RBFOX1: variants seen among roughly 807,000 people sequenced by gnomAD.
The protein encoded by RBFOX1 is RNA binding fox-1 homolog 1, also known as RNA binding protein fox-1 homolog 1.
A neutral mutation model predicts 57.7 loss-of-function variants in RBFOX1; 8 were observed. The observed-to-expected ratio is 0.14, with a 90% CI of 0.08 to 0.25. The LOEUF is 0.25. Among genes scored for constraint, RBFOX1 ranks in the 10% least tolerant of loss-of-function variants. RBFOX1 has a pLI of 1.00. For missense variants in RBFOX1, 611 were observed against 548.5 expected, an observed-to-expected ratio of 1.11 and a Z score of -1.14; for synonymous variants, 326 against 222.4, an observed-to-expected ratio of 1.47 and a Z score of -4.15.
chr16:5,307,348 T>G (rs1397246593), intron 1 of RBFOX1, among the ~76,000 whole-genome samples: 1 of 152,220 alleles, frequency 6.6e-6, no homozygotes, highest in East Asian at 1.9e-4. Context: ...CAGTATTTTC[T>G]GGACTACTGA....
chr16:7,385,761 T>C (rs963511144), intron 4 of RBFOX1, among the ~76,000 whole-genome samples: 13 of 152,066 alleles, frequency 8.5e-5, no homozygotes, highest in Admixed American at 8.5e-4. Context: ...TTAAGGTTTT[T>C]GGTTTTTTTC....
chr16:5,298,451 C>G (rs1436666494), intron 1 of RBFOX1, among the ~76,000 whole-genome samples: 1 of 96,464 alleles, frequency 1.0e-5, no homozygotes, highest in Non-Finnish European at 2.0e-5. Context: ...CCTCCCCTCC[C>G]CTCCTTTCCC....
intron 1 of RBFOX1, among the ~76,000 whole-genome samples, chr16:6,277,458 CAAAAA>C (rs59733415): frequency 4.9e-5 from 4 of 80,816 alleles, no homozygotes; most frequent in African/African-American, 1.4e-4. Flanking sequence ...GTCTGTCTCC[CAAAAA>C]AAAAAAAAAA....
At chr16:6,482,768 C>G (rs577988701) in intron 2 of RBFOX1, among the ~76,000 whole-genome samples, 1 of 152,110 alleles carries the variant, frequency 6.6e-6, no homozygotes, top group Non-Finnish European at 1.5e-5. Flanking sequence ...GGGCGCGGTG[C>G]TGGGGTCTTC....
intron 2 of RBFOX1, among the ~76,000 whole-genome samples, chr16:6,376,194 C>A (rs545029293): frequency 6.6e-6 from 1 of 152,246 alleles, no homozygotes; most frequent in African/African-American, 2.4e-5. Flanking sequence ...CCCTAGACTC[C>A]AGGATCCTTG....
chr16:6,685,324 G>T (rs150211921), intron 3 of RBFOX1, among the ~76,000 whole-genome samples: 1 of 136,326 alleles, frequency 7.3e-6, no homozygotes, highest in Non-Finnish European at 1.5e-5. Flanking sequence ...TGCCCAGGCC[G>T]GAGTGCAGTG....
intron 4 of RBFOX1, among the ~76,000 whole-genome samples, chr16:7,219,248 A>G (rs2092529003): frequency 6.6e-6 from 1 of 152,226 alleles, no homozygotes; most frequent in Non-Finnish European, 1.5e-5. Flanking sequence ...CACAGGGAAA[A>G]GTAAAATGGG....
In RBFOX1 at chr16:5,333,483, A is replaced by C. The variant is rs542960847; in HGVS notation, c.219+93378A>C. ...TTACAGATCCCCCGATTATATACAC[A>C]ATGAAAAAGCTGCTCCTCACACAGT... On this transcript the variant is annotated intron_variant, in intron 1 of 2. Coordinates refer to the RBFOX1 transcript ENST00000585867. Among the ~76,000 whole-genome samples the C allele has an allele frequency of 2.0e-5, 3 of 152,256 alleles. No homozygotes were observed. In the East Asian group the frequency reaches 5.8e-4, roughly 29 times the overall value.
intron 2 of RBFOX1, among the ~76,000 whole-genome samples, chr16:6,367,768 G>T (rs2089869887): frequency 6.9e-6 from 1 of 145,940 alleles, no homozygotes; most frequent in Non-Finnish European, 1.5e-5. Context: ...AAAAAATAGG[G>T]AAAATGATGC....
chr16:7,357,585 C>G (rs958366060), intron 4 of RBFOX1, among the ~76,000 whole-genome samples: 4 of 152,122 alleles, frequency 2.6e-5, no homozygotes, highest in African/African-American at 4.8e-5. Context: ...ATTTTGAGCC[C>G]TATATGTGCA....
intron 4 of RBFOX1, among the ~76,000 whole-genome samples, chr16:7,213,372 G>C (rs1323743341): frequency 6.6e-6 from 1 of 152,164 alleles, no homozygotes; most frequent in African/African-American, 2.4e-5. Flanking sequence ...TCAGTGATCA[G>C]TATTTCTTTA....
At chr16:6,370,202 C>G (rs1373200261) in intron 2 of RBFOX1, among the ~76,000 whole-genome samples, 2 of 151,302 alleles carry the variant, frequency 1.3e-5, no homozygotes, top group Non-Finnish European at 2.9e-5. Flanking sequence ...ACTAAAAATA[C>G]AAAAAATTAG....
At chr16:7,177,668 A>G (rs1429700035) in intron 4 of RBFOX1, among the ~76,000 whole-genome samples, 5 of 152,156 alleles carry the variant, frequency 3.3e-5, no homozygotes. Context: ...GAGGTAGGGC[A>G]CTTCCACAAA....
intron 4 of RBFOX1, among the ~76,000 whole-genome samples, chr16:7,201,663 C>A (rs2088530224): frequency 6.6e-6 from 1 of 152,148 alleles, no homozygotes; most frequent in Non-Finnish European, 1.5e-5. Context: ...ATGGTTTCAC[C>A]TTGTTGGCTA....
At chr16:7,465,315 C>T (rs952198514) in intron 4 of RBFOX1, among the ~76,000 whole-genome samples, 2 of 152,192 alleles carry the variant, frequency 1.3e-5, no homozygotes, top group Non-Finnish European at 2.9e-5. Flanking sequence ...GGCCTGCCTT[C>T]TCGTGTTGGG....
intron 4 of RBFOX1, among the ~76,000 whole-genome samples, chr16:5,941,579 C>G (rs1425572833): frequency 6.6e-6 from 1 of 151,916 alleles, no homozygotes. Flanking sequence ...TTACTTTGCA[C>G]ATAAGTATTT....
chr16:5,844,456 G>A (rs1373340184), intron 3 of RBFOX1, among the ~76,000 whole-genome samples: 1 of 152,196 alleles, frequency 6.6e-6, no homozygotes, highest in Non-Finnish European at 1.5e-5. Context: ...GGCCACGTGA[G>A]AGCAATAGCA....
chr16:7,604,616 T>G (rs1242962125), intron 9 of RBFOX1, among the ~76,000 whole-genome samples: 1 of 152,078 alleles, frequency 6.6e-6, no homozygotes, highest in African/African-American at 2.4e-5. Context: ...ATAGATACGT[T>G]TATAGATAGA....
intron 4 of RBFOX1, among the ~76,000 whole-genome samples, chr16:7,462,326 C>G (rs976604449): frequency 5.3e-5 from 8 of 152,312 alleles, no homozygotes; most frequent in Admixed American, 1.3e-4. Flanking sequence ...GAAACCTCAT[C>G]TCTACTAAAA....
Sources: allele counts gnomAD v4.1 joint callset (sites outside exome capture counted in the v4.1 genomes callset), GRCh38; gene constraint gnomAD v4.1.1; transcripts MANE v1.5; gene names NCBI Gene and HGNC (gene_info 2026-07-23, HGNC 2026-07-21).